Variants in CYP19A1 observed in about 807,000 individuals in gnomAD.
CYP19A1 encodes the protein aromatase.
CYP19A1 carries 32 observed loss-of-function variants against 44.4 expected under a neutral mutation model. That is an observed-to-expected ratio of 0.72 (90% CI 0.54 to 0.97). The LOEUF is 0.97. Among genes scored for constraint, CYP19A1 ranks in the 50% least tolerant of loss-of-function variants. The pLI, the probability that CYP19A1 is intolerant of heterozygous loss-of-function variation, is 0.00. For synonymous variants in CYP19A1, 212 were observed against 215.6 expected (o/e 0.98, Z 0.14); for missense variants, 598 against 637.8 (o/e 0.94, Z 0.67).
At chr15:51,255,415 A>G (rs1248778185) in intron 1 of CYP19A1, 1 of 152,212 alleles carries the variant, frequency 6.6e-6, no homozygotes, top group Non-Finnish European at 1.5e-5. Flanking sequence ...GAAACAGAGA[A>G]CGGTCCCTTG....
chr15:51,304,359 C>A (rs72729205), intron 1 of CYP19A1, among the ~76,000 whole-genome samples: 12,506 of 152,144 alleles, frequency 0.082, 709 homozygotes, highest in Admixed American at 0.17. Flanking sequence ...GTCAGTAAAT[C>A]TTGACAAATT....
intron 1 of CYP19A1, among the ~76,000 whole-genome samples, chr15:51,306,116 A>G (rs540722474): frequency 6.6e-6 from 1 of 152,216 alleles, no homozygotes. Flanking sequence ...GATTAAACCC[A>G]AAGTCTCCTT....
At chr15:51,219,781 T>C (rs1445178324) in intron 5 of CYP19A1, among the ~76,000 whole-genome samples, 1 of 152,226 alleles carries the variant, frequency 6.6e-6, no homozygotes, top group Non-Finnish European at 1.5e-5. Flanking sequence ...ATATGATCCT[T>C]CCTAATGAGG....
intron 1 of CYP19A1, among the ~76,000 whole-genome samples, chr15:51,264,917 A>G (rs891422182): frequency 1.3e-5 from 2 of 152,124 alleles, no homozygotes; most frequent in African/African-American, 4.8e-5. Flanking sequence ...AAGGTTCTTC[A>G]ATGTATGTCA....
chr15:51,249,689 C>T (rs2034225372), intron 1 of CYP19A1, among the ~76,000 whole-genome samples: 1 of 152,180 alleles, frequency 6.6e-6, no homozygotes, highest in African/African-American at 2.4e-5. Flanking sequence ...ACATGTAGAG[C>T]TGCCCATGAA....
At chr15:51,263,564 A>G in intron 1 of CYP19A1, among the ~76,000 whole-genome samples, 1 of 152,212 alleles carries the variant, frequency 6.6e-6, no homozygotes, top group Non-Finnish European at 1.5e-5. Context: ...GGAAAAATCC[A>G]GTAGTGAGGA....
At position 51,314,462 on chromosome 15, in the gene CYP19A1, T is replaced by C. The variant is rs17704287; in HGVS notation, c.-39+24033A>G. ...TGGCCCGGGGGTCCATGAAAAGCTC[T>C]GTGCCATTCTGGGAGAGTGATGAGA... On this transcript the variant is annotated intron_variant, in intron 1 of 9. Coordinates refer to ENST00000396402, the MANE Select transcript of CYP19A1 (RefSeq NM_000103.4). 9.8e-5 allele frequency among the ~76,000 whole-genome samples: 15 copies of C among 152,296 alleles called. No individual in the cohort carries two copies. In the East Asian group the frequency reaches 2.5e-3, roughly 26 times the overall value.
At chr15:51,297,436 A>C (rs2036017924) in intron 1 of CYP19A1, among the ~76,000 whole-genome samples, 2 of 152,188 alleles carry the variant, frequency 1.3e-5, no homozygotes, top group African/African-American at 2.4e-5. Flanking sequence ...CTCCTTTGTC[A>C]TAATGGCTGT....
chr15:51,330,913 G>A (rs750755660), intron 1 of CYP19A1, among the ~76,000 whole-genome samples: 14 of 152,164 alleles, frequency 9.2e-5, no homozygotes, highest in Non-Finnish European at 1.3e-4. Context: ...ACCTTGGCAG[G>A]ATGGGTTCAA....
chr15:51,332,870 T>C (rs1260868281), intron 1 of CYP19A1, among the ~76,000 whole-genome samples: 1 of 152,232 alleles, frequency 6.6e-6, no homozygotes, highest in African/African-American at 2.4e-5. Flanking sequence ...TTGTACTTTC[T>C]TTCTGGAAGA....
At chr15:51,315,328 G>T (rs2036404642) in intron 1 of CYP19A1, among the ~76,000 whole-genome samples, 1 of 152,076 alleles carries the variant, frequency 6.6e-6, no homozygotes, top group Non-Finnish European at 1.5e-5. Flanking sequence ...TGCATGCTTA[G>T]CTCACACATA....
chr15:51,244,921 A>T (rs970089358), intron 1 of CYP19A1, among the ~76,000 whole-genome samples: 7 of 152,244 alleles, frequency 4.6e-5, no homozygotes, highest in Non-Finnish European at 8.8e-5. Context: ...AAGCACTTTT[A>T]AAAAACCTGT....
At chr15:51,295,554 C>T (rs1315581469) in intron 1 of CYP19A1, among the ~76,000 whole-genome samples, 1 of 152,136 alleles carries the variant, frequency 6.6e-6, no homozygotes, top group Non-Finnish European at 1.5e-5. Context: ...GTACTTGACA[C>T]CCAGGAGGCT....
chr15:51,310,117 A>T lies in CYP19A1; in HGVS notation c.-39+28378T>A, dbSNP rs1397730575. Reference sequence around the variant, plus strand: ...CCTGGGGAAGCACTAACCAAAAAAGATGAATTCCAACTGTGTTGCTCAACT... The same window carrying T: ...CCTGGGGAAGCACTAACCAAAAAAGTTGAATTCCAACTGTGTTGCTCAACT... On this transcript the variant is annotated intron_variant, in intron 1 of 9. Coordinates refer to ENST00000396402, the MANE Select transcript of CYP19A1 (RefSeq NM_000103.4). Among the ~76,000 whole-genome samples the T allele has an allele frequency of 4.0e-4, 61 of 152,218 alleles. 1 individual carries two copies. The highest frequency in any genetic ancestry group is 1.0e-4 in the Non-Finnish European group (7 of 68,048).
intron 1 of CYP19A1, among the ~76,000 whole-genome samples, chr15:51,268,339 TAATC>T (rs2035003369): frequency 6.6e-6 from 1 of 152,242 alleles, no homozygotes; most frequent in Non-Finnish European, 1.5e-5. Context: ...TCTATTGTCA[TAATC>T]AAACAGTCTG....
intron 5 of CYP19A1, chr15:51,221,390 G>A (rs936317864): frequency 1.3e-5 from 2 of 152,148 alleles, no homozygotes; most frequent in African/African-American, 2.4e-5. Flanking sequence ...GTATCAGAAA[G>A]AATGCCAATT....
chr15:51,251,331 G>T (rs2034300914), intron 1 of CYP19A1, among the ~76,000 whole-genome samples: 1 of 152,190 alleles, frequency 6.6e-6, no homozygotes, highest in Non-Finnish European at 1.5e-5. Context: ...TCTGTGGTGA[G>T]ATCCAGAGCC....
chr15:51,317,726 G>A (rs892519239), intron 1 of CYP19A1, among the ~76,000 whole-genome samples: 1 of 152,166 alleles, frequency 6.6e-6, no homozygotes, highest in South Asian at 2.1e-4. Flanking sequence ...TGAATGCCAG[G>A]CTAATGAGGC....
Position 51,217,746 on chromosome 15 carries a change from T to C in CYP19A1, c.743+795A>G, listed in dbSNP as rs554907143. On this transcript the variant is annotated intron_variant, in intron 6 of 9. Transcript: ENST00000396402. ...TGCTCTATGCTAATTGCCTTACTTA[T>C]ATGATCTCATTAACCTATGCCCCTA... is the stretch of plus-strand genomic sequence containing the variant. Among the ~76,000 whole-genome samples, 29 of 152,314 alleles carry C rather than the reference T, an allele frequency of 1.9e-4. 1 individual carries two copies. The highest frequency in any genetic ancestry group is 6.7e-4 in the African/African-American group (28 of 41,576).
Sources: allele counts gnomAD v4.1 joint callset (sites outside exome capture counted in the v4.1 genomes callset), GRCh38; gene constraint gnomAD v4.1.1; transcripts MANE v1.5; gene names NCBI Gene and HGNC (gene_info 2026-07-23, HGNC 2026-07-21).